ITGAX: variants seen among roughly 807,000 people sequenced by gnomAD.
ITGAX encodes integrin subunit alpha X.
A neutral mutation model predicts 140.2 loss-of-function variants in ITGAX; 99 were observed. The ratio of observed to expected loss-of-function variants is 0.71; its 90% CI spans 0.60 to 0.83. The LOEUF (loss-of-function observed/expected upper bound fraction) is 0.83. ITGAX is among the 40% of genes least tolerant of loss of function. The probability of loss-of-function intolerance (pLI) is 0.00; values close to 1 mark genes in which losing one functional copy is unlikely to be tolerated. For synonymous variants in ITGAX, 631 were observed against 600.4 expected (o/e 1.05, Z -0.75); for missense variants, 1,444 against 1,482.0 (o/e 0.97, Z 0.42).
At chr16:31,370,276 C>T (rs2080941642) in intron 14 of ITGAX, among the ~76,000 whole-genome samples, 1 of 152,084 alleles carries the variant, frequency 6.6e-6, no homozygotes, top group South Asian at 2.1e-4. Context: ...CTTTTAATGG[C>T]TGCTAGTTCC....
intron 9 of ITGAX, chr16:31,361,571 G>A (rs1448341639): frequency 3.4e-5 from 24 of 706,746 alleles, no homozygotes; most frequent in East Asian, 5.2e-5. Flanking sequence ...AGGGGCACAC[G>A]GACACCTGGC....
chr16:31,379,155 G>A (rs112578601), intron 23 of ITGAX, among the ~76,000 whole-genome samples: 2,042 of 151,048 alleles, frequency 0.014, 50 homozygotes, highest in African/African-American at 0.047. Context: ...GAGAGAGAGA[G>A]TCTTGCTCTG....
intron 8 of ITGAX, 49 bp downstream of exon 8, chr16:31,360,512 C>A (rs1488129984): frequency 4.6e-6 from 7 of 1,513,280 alleles, no homozygotes; most frequent in East Asian, 2.3e-5. Context: ...CCTCTCAGGG[C>A]AACTCCCCTT....
chr16:31,380,279 C>CTGCTCCATTGT lies in ITGAX; in HGVS notation c.3076_3077insCTCCATTGTTG (p.Gly1026AlafsTer26). 6.2e-7 allele frequency: 1 copy of CTGCTCCATTGT among 1,614,116 alleles called. No individual in the cohort carries two copies. The highest frequency in any genetic ancestry group is 8.5e-7 in the Non-Finnish European group (1 of 1,179,990). On this transcript the variant is annotated frameshift_variant, in exon 27 of 30. Transcript: ENST00000268296. LOFTEE classifies it high-confidence loss of function. ...ATCTGCCCCCAGGACTGCTCCATTG[C>CTGCTCCATTGT]TGGCTGCCTGCGGTTCCGCTGTGAC... is the stretch of plus-strand genomic sequence containing the variant.
At chr16:31,379,441 C>CATTCCAGGACATTA (rs2081047964) in intron 23 of ITGAX, 127 bp from the exon 24 acceptor site, 1 of 896,974 alleles carries the variant, frequency 1.1e-6, no homozygotes, top group South Asian at 1.6e-5. Flanking sequence ...TAACCTAACT[C>CATTCCAGGACATTA]AGCCACAGCC....
At chr16:31,365,969 G>T (rs1374057593) in intron 14 of ITGAX, among the ~76,000 whole-genome samples, 1 of 152,138 alleles carries the variant, frequency 6.6e-6, no homozygotes, top group African/African-American at 2.4e-5. Flanking sequence ...ACCTGAAGGG[G>T]AATCTAAAGA....
At chr16:31,366,120 C>T (rs2080890418) in intron 14 of ITGAX, among the ~76,000 whole-genome samples, 1 of 152,238 alleles carries the variant, frequency 6.6e-6, no homozygotes, top group Admixed American at 6.5e-5. Context: ...TTTTTACACG[C>T]TGAAGGTATG....
chr16:31,360,257 G>A, intron 7 of ITGAX, 53 bp from the exon 8 acceptor site: 2 of 1,551,798 alleles, frequency 1.3e-6, no homozygotes, highest in Non-Finnish European at 1.7e-6. Context: ...AAGGGCACCA[G>A]GGGCTAGTGT....
chr16:31,372,915 A>AAC, intron 19 of ITGAX, among the ~76,000 whole-genome samples: 1 of 149,534 alleles, frequency 6.7e-6, no homozygotes, highest in Non-Finnish European at 1.5e-5. Flanking sequence ...CACAAAAACA[A>AAC]AACAACAACA....
intron 4 of ITGAX, 64 bp downstream of exon 4, chr16:31,357,165 G>A (rs746049384): frequency 1.9e-6 from 3 of 1,560,368 alleles, no homozygotes; most frequent in Non-Finnish European, 8.7e-7. Flanking sequence ...GCCGCGGGGG[G>A]CTGGGAGTCT....
In ITGAX at chr16:31,372,436, G is replaced by A. The variant is rs765603729; in HGVS notation, c.2219G>A (p.Gly740Asp). The change falls in exon 18 of 30, where the codon GGC becomes GAC. Residue 740 changes from glycine to aspartate, a missense_variant. Transcript: ENST00000268296. ...TTGCGTCTGAACTTCACGCTGGTGG[G>A]CAAGCCCCTCCTTGCCTTCAGAAAC... The part of the protein sequence containing the change: ...ITLRLNFTLV[G>D]KPLLAFRNLR... 3 of 1,609,816 alleles carry A rather than the reference G, an allele frequency of 1.9e-6. No homozygotes were observed. Among genetic ancestry groups the A allele is most frequent in the Non-Finnish European group, 1.7e-6 (2 of 1,178,908 alleles).
chr16:31,371,545 C>T, intron 16 of ITGAX, 48 bp downstream of exon 16: 1 of 1,610,220 alleles, frequency 6.2e-7, no homozygotes, highest in Non-Finnish European at 8.5e-7. Context: ...TCTGGAGTCC[C>T]CCATCCCAGG....
chr16:31,373,371 G>A lies in ITGAX; in HGVS notation c.2489G>A (p.Arg830His), dbSNP rs200320669. The change falls in exon 20 of 30, where the codon CGC (arginine) becomes CAC (histidine). Residue 830 changes from arginine to histidine, a missense_variant. Transcript: ENST00000268296. Reference protein sequence around the residue: ...TFSHPAGLSYRYVAEGQKQGQ... With the variant: ...TFSHPAGLSYHYVAEGQKQGQ... Reference sequence around the variant, plus strand: ...TCCCACCCCGCAGGACTGTCCTACCGCTACGTGGCAGAGGGCCAGGTGCAC... The same window carrying A: ...TCCCACCCCGCAGGACTGTCCTACCACTACGTGGCAGAGGGCCAGGTGCAC... The A allele has an allele frequency of 4.3e-6, 7 of 1,612,028 alleles. No homozygotes were observed. Among genetic ancestry groups the A allele is most frequent in the Middle Eastern group, 1.8e-4 (1 of 5,418 alleles).
intron 17 of ITGAX, among the ~76,000 whole-genome samples, chr16:31,372,175 GA>G (rs1395381302): frequency 6.8e-4 from 102 of 150,438 alleles, no homozygotes; most frequent in Non-Finnish European, 2.8e-4. Flanking sequence ...TGGGGGGGGG[GA>G]GGAAAAAAAC....
In ITGAX at chr16:31,363,249, G is replaced by T. The variant is rs1204936957; in HGVS notation, c.1585G>T (p.Gly529Trp). 6.2e-7 allele frequency: 1 copy of T among 1,613,980 alleles called. No individual in the cohort carries two copies. The highest frequency in any genetic ancestry group is 8.5e-7 in the Non-Finnish European group (1 of 1,179,916). ...GRFGAALTVLGDVNGDKLTDV... is the reference protein window; with the variant it reads ...GRFGAALTVLWDVNGDKLTDV... ...CTTTGGGGCGGCTCTGACAGTGCTG[G>T]GGGATGTGAATGGGGACAAGCTGAC... The change falls in exon 14 of 30, where the codon GGG becomes TGG. Residue 529 changes from glycine to tryptophan, a missense_variant. By Grantham distance (184) the Gly-to-Trp change is radical (BLOSUM62 -2). Transcript: ENST00000268296.
In ITGAX at chr16:31,362,084, G is replaced by A. The variant is rs759594937; in HGVS notation, c.1096G>A (p.Val366Ile). Reference sequence around the variant, plus strand: ...AATCCTTTTCTCCCAGGATGGCCCCGTTCTGGGGGCTGTGGGGAGCTTCAC... The same window carrying A: ...AATCCTTTTCTCCCAGGATGGCCCCATTCTGGGGGCTGTGGGGAGCTTCAC... ...FSAVFTPDGPVLGAVGSFTWS... is the reference protein window; with the variant it reads ...FSAVFTPDGPILGAVGSFTWS... The change falls in exon 11 of 30, where the codon GTT becomes ATT. Residue 366 changes from valine to isoleucine, a missense_variant. Physicochemically the swap from Val to Ile is conservative, Grantham distance 29. Transcript: ENST00000268296. 7.4e-5 allele frequency: 120 copies of A among 1,614,026 alleles called. No homozygotes were observed. Among genetic ancestry groups the A allele is most frequent in the Admixed American group, 1.7e-4 (10 of 59,996 alleles).
chr16:31,356,027 C>CTCCA, intron 2 of ITGAX, 29 bp downstream of exon 2: 1 of 1,514,556 alleles, frequency 6.6e-7, no homozygotes, highest in South Asian at 1.1e-5. Context: ...TGGCCTTTGG[C>CTCCA]TCCATCCATC....
chr16:31,381,691 G>T, intron 29 of ITGAX, 112 bp from the exon 30 acceptor site: 1 of 746,426 alleles, frequency 1.3e-6, no homozygotes. Context: ...CTAGTGCAGT[G>T]CTTTGAACCT....
At chr16:31,380,424 G>A in intron 27 of ITGAX, 45 bp downstream of exon 27, 2 of 1,611,278 alleles carry the variant, frequency 1.2e-6, no homozygotes, top group Non-Finnish European at 1.7e-6. Flanking sequence ...ACTCAGGCGG[G>A]ACCTGGCATG....
Sources: allele counts gnomAD v4.1 joint callset (sites outside exome capture counted in the v4.1 genomes callset), GRCh38; gene constraint gnomAD v4.1.1; transcripts MANE v1.5; gene names NCBI Gene and HGNC (gene_info 2026-07-23, HGNC 2026-07-21).